ALG14: variants seen among roughly 807,000 people sequenced by gnomAD.
ALG14 encodes the protein ALG14 UDP-N-acetylglucosaminyltransferase subunit.
In ALG14, 17 loss-of-function variants were observed where a neutral mutation model predicts 22.8. That is an observed-to-expected ratio of 0.75 (90% CI 0.51 to 1.12). The LOEUF is 1.12. Ranked by LOEUF, ALG14 falls within the 50% of genes most tolerant of loss-of-function variation. ALG14 has a pLI of 0.00. For synonymous variants in ALG14, 89 were observed against 103.7 expected (o/e 0.86, Z 0.86); for missense variants, 288 against 271.8 (o/e 1.06, Z -0.42).
chr1:95,046,341 T>A (rs534279035), intron 2 of ALG14, among the ~76,000 whole-genome samples: 1 of 152,292 alleles, frequency 6.6e-6, no homozygotes, highest in East Asian at 1.9e-4. Flanking sequence ...CTGCCTCCTA[T>A]CAGATCAGCA....
intron 1 of ALG14, among the ~76,000 whole-genome samples, chr1:95,066,847 C>A (rs992309931): frequency 6.6e-6 from 1 of 151,412 alleles, no homozygotes; most frequent in Non-Finnish European, 1.5e-5. Context: ...TGCAACAGAG[C>A]GAGACTCTGT....
intron 3 of ALG14, among the ~76,000 whole-genome samples, chr1:95,021,345 A>G (rs1057419520): frequency 1.3e-5 from 2 of 152,150 alleles, no homozygotes; most frequent in Admixed American, 6.5e-5. Context: ...CAAGGAGTTC[A>G]CAGTCTGTAT....
intron 3 of ALG14, among the ~76,000 whole-genome samples, chr1:95,025,705 T>C (rs10465759): frequency 0.17 from 26,350 of 152,226 alleles, 2,527 homozygotes; most frequent in African/African-American, 0.25. Context: ...AGATGGCTTC[T>C]CTCCTTAAGT....
At chr1:95,072,013 C>T (rs998732889) in intron 1 of ALG14, among the ~76,000 whole-genome samples, 4 of 152,158 alleles carry the variant, frequency 2.6e-5, no homozygotes. Context: ...TTGTTATTTC[C>T]AGAGGTTAGT....
chr1:94,997,610 G>A (rs965957032), intron 3 of ALG14, among the ~76,000 whole-genome samples: 19 of 152,292 alleles, frequency 1.2e-4, no homozygotes, highest in South Asian at 4.1e-4. Context: ...CTGTGTGACC[G>A]TGGGGGAATC....
At chr1:95,042,315 C>T (rs1322024483) in intron 2 of ALG14, among the ~76,000 whole-genome samples, 1 of 152,062 alleles carries the variant, frequency 6.6e-6, no homozygotes, top group East Asian at 1.9e-4. Flanking sequence ...TACACACACA[C>T]ACACACACAC....
chr1:94,980,411 G>A lies in ALG14; in HGVS notation c.*2665C>T, dbSNP rs1420069950. 1 of 152,220 alleles carries A rather than the reference G, an allele frequency of 6.6e-6. No homozygotes were observed. The highest frequency in any genetic ancestry group is 1.5e-5 in the Non-Finnish European group (1 of 68,044). 9.4% of individuals were successfully genotyped at this position (152,220 alleles called of 1,614,324 possible). A position where few individuals can be genotyped will look rare whatever the true frequency, so the allele number is the denominator to read the frequency against. On this transcript the variant is annotated 3_prime_UTR_variant, in exon 4 of 4. Coordinates refer to ENST00000370205, the MANE Select transcript of ALG14 (RefSeq NM_144988.4). ...ATAGAAATCTTCCAGGGAAGTAGGT[G>A]TGGGCAGGATGTGTGGTTTCCCTGC...
chr1:94,979,935 G>A lies in ALG14; in HGVS notation c.*3141C>T, dbSNP rs1038108782. The A allele has an allele frequency of 1.3e-5, 2 of 152,196 alleles. No individual in the cohort carries two copies. Among genetic ancestry groups the A allele is most frequent in the African/African-American group, 4.8e-5 (2 of 41,408 alleles). The allele number at this position is 152,196 out of a possible 1,614,324, so 9.4% of individuals were successfully genotyped here. A position where few individuals can be genotyped will look rare whatever the true frequency, so the allele number is the denominator to read the frequency against. On this transcript the variant is annotated 3_prime_UTR_variant, in exon 4 of 4. Coordinates refer to ENST00000370205, the MANE Select transcript of ALG14 (RefSeq NM_144988.4). The stretch of plus-strand genomic sequence containing the variant: ...AAGTCATGGGAAGAAACCCCGTGAG[G>A]CTCAAACGCTGACCTGTAGGGAGAA...
chr1:95,032,872 A>T (rs1674056849), intron 2 of ALG14, among the ~76,000 whole-genome samples: 1 of 152,196 alleles, frequency 6.6e-6, no homozygotes, highest in African/African-American at 2.4e-5. Context: ...ATCTTAAGAG[A>T]GTTTTTATTA....
At chr1:95,030,925 T>G (rs1034451303) in intron 2 of ALG14, among the ~76,000 whole-genome samples, 7 of 152,010 alleles carry the variant, frequency 4.6e-5, no homozygotes, top group Non-Finnish European at 1.0e-4. Flanking sequence ...AAATAGAAAA[T>G]CAGGCCTGAG....
At position 95,021,338 on chromosome 1, in the gene ALG14, G is replaced by A. The variant is rs1673656143; in HGVS notation, c.420+5791C>T. The stretch of plus-strand genomic sequence containing the variant: ...AGTAATACACCTCACCGTTCCTCAA[G>A]GAGTTCACAGTCTGTATTCAAATTT... On this transcript the variant is annotated intron_variant, in intron 3 of 3. Transcript: ENST00000370205. 2.0e-5 allele frequency among the ~76,000 whole-genome samples: 3 copies of A among 152,220 alleles called. No homozygotes were observed. The South Asian group carries it at 6.2e-4, about 32-fold the overall frequency.
At chr1:94,987,176 A>G (rs915524589) in intron 3 of ALG14, among the ~76,000 whole-genome samples, 2 of 152,202 alleles carry the variant, frequency 1.3e-5, no homozygotes, top group Non-Finnish European at 2.9e-5. Context: ...TCCCAAAGGC[A>G]GCATTACGAT....
chr1:95,031,204 AAAT>A (rs1013793053), intron 2 of ALG14, among the ~76,000 whole-genome samples: 1 of 152,206 alleles, frequency 6.6e-6, no homozygotes, highest in African/African-American at 2.4e-5. Context: ...GTATCAATTT[AAAT>A]AATAAAGCAC....
intron 3 of ALG14, among the ~76,000 whole-genome samples, chr1:95,018,439 G>C (rs1489236910): frequency 6.6e-6 from 1 of 152,072 alleles, no homozygotes; most frequent in Non-Finnish European, 1.5e-5. Context: ...GGGAGGTTGA[G>C]GCAGGAGAAT....
chr1:95,067,667 C>T (rs529064686), intron 1 of ALG14: 1 of 152,272 alleles, frequency 6.6e-6, no homozygotes, highest in Admixed American at 6.5e-5. Context: ...TTTGCTACTC[C>T]CCTGCTCCAG....
In ALG14 at chr1:94,978,760, C is replaced by T. The variant is rs1458210383; in HGVS notation, c.*4316G>A. On this transcript the variant is annotated 3_prime_UTR_variant, in exon 4 of 4. Coordinates refer to ENST00000370205, the MANE Select transcript of ALG14 (RefSeq NM_144988.4). ...GAAAGGCCTTTCCTGATTTCCCTAT[C>T]TAGAACACCAACTACCTTCTACTCC... is the stretch of plus-strand genomic sequence containing the variant. The T allele has an allele frequency of 1.3e-5, 2 of 151,834 alleles. No individual in the cohort carries two copies. Among genetic ancestry groups the T allele is most frequent in the African/African-American group, 2.4e-5 (1 of 41,324 alleles). The allele number at this position is 151,834 out of a possible 1,614,324, so 9.4% of individuals were successfully genotyped here. A position where few individuals can be genotyped will look rare whatever the true frequency, so the allele number is the denominator to read the frequency against.
chr1:95,037,599 C>T (rs1269420244), intron 2 of ALG14, among the ~76,000 whole-genome samples: 2 of 152,148 alleles, frequency 1.3e-5, no homozygotes, highest in Admixed American at 6.5e-5. Flanking sequence ...CCTGGGCAAC[C>T]GGACCAAGCC....
chr1:95,014,012 C>G (rs1673438882), intron 3 of ALG14, among the ~76,000 whole-genome samples: 1 of 150,672 alleles, frequency 6.6e-6, no homozygotes, highest in African/African-American at 2.4e-5. Flanking sequence ...AAGCAATGGT[C>G]TATAGTTTAC....
intron 2 of ALG14, among the ~76,000 whole-genome samples, chr1:95,032,563 G>A (rs1674044606): frequency 6.6e-6 from 1 of 152,208 alleles, no homozygotes; most frequent in Non-Finnish European, 1.5e-5. Flanking sequence ...CCAAAAAATA[G>A]GACCATGAGA....
Sources: gnomAD v4.1 joint callset for allele counts (sites outside exome capture counted in the v4.1 genomes callset) on GRCh38, gnomAD v4.1.1 for gene constraint, MANE v1.5 for transcripts, NCBI Gene and HGNC (gene_info 2026-07-23, HGNC 2026-07-21) for gene names.